NR6A1: variants seen among roughly 807,000 people sequenced by gnomAD.
NR6A1 encodes the protein nuclear receptor subfamily 6 group A member 1, also known as retinoic acid receptor-related testis-associated receptor.
In NR6A1, 7 loss-of-function variants were observed where a neutral mutation model predicts 59.1. The observed-to-expected ratio is 0.12, with a 90% confidence interval of 0.07 to 0.22. The LOEUF (loss-of-function observed/expected upper bound fraction) is 0.22. Ranked by LOEUF, NR6A1 falls within the 10% of genes least tolerant of loss-of-function variation. The pLI, the probability that NR6A1 is intolerant of heterozygous loss-of-function variation, is 1.00. For synonymous variants in NR6A1, 243 were observed against 236.1 expected, an observed-to-expected ratio of 1.03 and a Z score of -0.27; for missense variants, 468 against 611.6, an observed-to-expected ratio of 0.77 and a Z score of 2.48.
intron 3 of NR6A1, among the ~76,000 whole-genome samples, chr9:124,547,861 G>C (rs997940507): frequency 1.3e-5 from 2 of 152,124 alleles, no homozygotes; most frequent in African/African-American, 4.8e-5. Context: ...TAAATGTAAT[G>C]TGATTTCCTG....
chr9:124,689,940 G>T (rs1048477990), intron 2 of NR6A1, among the ~76,000 whole-genome samples: 8 of 152,116 alleles, frequency 5.3e-5, no homozygotes, highest in African/African-American at 1.9e-4. Context: ...TGGGCTCCAG[G>T]ATGGCAAGGG....
intron 1 of NR6A1, among the ~76,000 whole-genome samples, chr9:124,748,228 A>C (rs542130860): frequency 4.6e-5 from 7 of 152,192 alleles, no homozygotes; most frequent in African/African-American, 1.7e-4. Flanking sequence ...CTCTGTACTT[A>C]GATTTTCTCC....
intron 2 of NR6A1, among the ~76,000 whole-genome samples, chr9:124,710,303 C>T (rs985511789): frequency 2.0e-5 from 3 of 152,118 alleles, no homozygotes; most frequent in Admixed American, 6.5e-5. Flanking sequence ...TTAAAAGTCA[C>T]AAATAATAAT....
At chr9:124,558,814 C>G (rs1833997355) in intron 2 of NR6A1, among the ~76,000 whole-genome samples, 1 of 152,050 alleles carries the variant, frequency 6.6e-6, no homozygotes, top group South Asian at 2.1e-4. Flanking sequence ...CAGTCCCTTC[C>G]CCACTGAAAA....
At chr9:124,733,442 T>C in intron 1 of NR6A1, 93 bp from the exon 2 acceptor site, 2 of 970,882 alleles carry the variant, frequency 2.1e-6, no homozygotes, top group African/African-American at 1.6e-5. Context: ...GGGGGAAATC[T>C]ATACTCAGAA....
At chr9:124,567,981 C>A (rs558622154) in intron 2 of NR6A1, among the ~76,000 whole-genome samples, 4 of 149,680 alleles carry the variant, frequency 2.7e-5, no homozygotes, top group Non-Finnish European at 5.9e-5. Flanking sequence ...TGAGACCATC[C>A]TGGCTAACAT....
rs183023208 is a variant in NR6A1 at position 124,573,193 on chromosome 9, G to A, written c.143-18623C>T. ...GGTAATTCATCTGAAAATGGTAAAT[G>A]GGCAAAGTACGAAGCCCTCAGCTCT... On this transcript the variant is annotated intron_variant, in intron 2 of 9. Coordinates refer to ENST00000487099, the MANE Select transcript of NR6A1 (RefSeq NM_033334.4). 1.1e-4 allele frequency among the ~76,000 whole-genome samples: 16 copies of A among 152,258 alleles called. No homozygotes were observed. In the East Asian group the frequency reaches 3.1e-3, roughly 29 times the overall value.
chr9:124,585,556 AAAG>A lies in NR6A1; in HGVS notation c.143-30989_143-30987del, dbSNP rs1215823225. On this transcript the variant is annotated intron_variant, in intron 2 of 9. Coordinates refer to ENST00000487099, the MANE Select transcript of NR6A1 (RefSeq NM_033334.4). ...GAGACTCCATCTCAAAAAAAAAAAA[AAAG>A]GGGGGGGGGGGCAAGGTGAAGCAGC... is the stretch of plus-strand genomic sequence containing the variant. Among the ~76,000 whole-genome samples the A allele has an allele frequency of 4.7e-3, 564 of 119,396 alleles. 9 individuals are homozygous for A. The highest frequency in any genetic ancestry group is 0.019 in the African/African-American group (536 of 28,926). 78.3% of individuals were successfully genotyped at this position (119,396 alleles called of 152,430 possible).
rs540875056 is a variant in NR6A1 at position 124,717,303 on chromosome 9, T to A, written c.142+16005A>T. 3.9e-5 allele frequency among the ~76,000 whole-genome samples: 6 copies of A among 152,340 alleles called. No homozygotes were observed. In the South Asian group the frequency reaches 1.2e-3, roughly 32 times the overall value. On this transcript the variant is annotated intron_variant, in intron 2 of 9. Coordinates refer to ENST00000487099, the MANE Select transcript of NR6A1 (RefSeq NM_033334.4). ...CTTATACAAGAAATTTTATAGCTGC[T>A]TTATTCATAATAACCAAAAATTAGA...
chr9:124,674,279 T>G (rs561112294), intron 2 of NR6A1, among the ~76,000 whole-genome samples: 1 of 152,190 alleles, frequency 6.6e-6, no homozygotes, highest in Non-Finnish European at 1.5e-5. Context: ...ACTCAAATGG[T>G]AGATGTTACC....
intron 1 of NR6A1, chr9:124,770,006 G>A (rs1037859761): frequency 1.3e-5 from 2 of 152,324 alleles, no homozygotes; most frequent in African/African-American, 2.4e-5. Context: ...AGGGGAGGAG[G>A]GCGAGGAAGC....
chr9:124,528,913 A>C (rs1833019315), intron 7 of NR6A1, among the ~76,000 whole-genome samples: 1 of 152,196 alleles, frequency 6.6e-6, no homozygotes, highest in Non-Finnish European at 1.5e-5. Flanking sequence ...ATACACAAAT[A>C]CTACACCATT....
intron 3 of NR6A1, among the ~76,000 whole-genome samples, chr9:124,548,238 AATT>A (rs1467334227): frequency 6.6e-6 from 1 of 152,246 alleles, no homozygotes; most frequent in African/African-American, 2.4e-5. Context: ...GGCATATGGG[AATT>A]ATTACTACTG....
intron 2 of NR6A1, among the ~76,000 whole-genome samples, chr9:124,661,201 T>C (rs1837422223): frequency 6.6e-6 from 1 of 152,188 alleles, no homozygotes; most frequent in Admixed American, 6.5e-5. Context: ...TACACTTTAT[T>C]ATCAAATTAG....
chr9:124,628,848 C>T (rs1413967323), intron 2 of NR6A1, among the ~76,000 whole-genome samples: 4 of 152,098 alleles, frequency 2.6e-5, no homozygotes, highest in African/African-American at 9.6e-5. Flanking sequence ...TTAGTAGAGA[C>T]GGGGTTTCAC....
At chr9:124,538,356 C>A in intron 5 of NR6A1, 37 bp from the exon 6 acceptor site, 1 of 1,528,608 alleles carries the variant, frequency 6.5e-7, no homozygotes, top group South Asian at 1.2e-5. Flanking sequence ...AGAGCCATGG[C>A]AAGTCTAGTA....
intron 2 of NR6A1, among the ~76,000 whole-genome samples, chr9:124,582,503 A>G (rs1424809302): frequency 1.3e-5 from 2 of 152,112 alleles, no homozygotes; most frequent in East Asian, 3.8e-4. Flanking sequence ...TGATCTGTAC[A>G]ACAAACCTCC....
chr9:124,723,948 G>A (rs548597572), intron 2 of NR6A1, among the ~76,000 whole-genome samples: 3 of 152,222 alleles, frequency 2.0e-5, no homozygotes, highest in Admixed American at 6.5e-5. Flanking sequence ...GCACTCATTC[G>A]AAATGCAGAC....
chr9:124,605,176 A>G (rs1055958808), intron 2 of NR6A1, among the ~76,000 whole-genome samples: 1 of 152,240 alleles, frequency 6.6e-6, no homozygotes, highest in Non-Finnish European at 1.5e-5. Context: ...AAAGAACTAC[A>G]AAGTTCAGAA....
Sources: allele counts gnomAD v4.1 joint callset (sites outside exome capture counted in the v4.1 genomes callset), GRCh38; gene constraint gnomAD v4.1.1; transcripts MANE v1.5; gene names NCBI Gene and HGNC (gene_info 2026-07-23, HGNC 2026-07-21).